COL2A1: variants seen among roughly 807,000 people sequenced by gnomAD.
COL2A1 encodes the protein collagen alpha-1(II) chain.
In COL2A1, 28 loss-of-function variants were observed where a neutral mutation model predicts 204.5. That is an observed-to-expected ratio of 0.14 (90% confidence interval 0.10 to 0.19). The LOEUF (loss-of-function observed/expected upper bound fraction) is 0.19, where lower values mean the gene tolerates loss of function less well. COL2A1 is among the 10% of genes least tolerant of loss of function. The probability of loss-of-function intolerance (pLI) is 1.00; values close to 1 mark genes in which losing one functional copy is unlikely to be tolerated. For missense variants in COL2A1, 1,388 were observed against 2,027.5 expected (o/e 0.68, Z 6.06); for synonymous variants, 708 against 718.7 (o/e 0.99, Z 0.24).
Position 47,976,088 on chromosome 12 carries a change from C to G in COL2A1, c.3490-18G>C, listed in dbSNP as rs778292426. ...GGAGGACCCTGCAAGAGAGAGAGGT[C>G]GTGAGGAAAGAGTGGTCACCACAGG... On this transcript the variant is annotated intron_variant, in intron 49 of 53. Transcript: ENST00000380518. The surrounding 1 kb of genome is among the most constrained non-coding windows in gnomAD (Gnocchi z 4.3). 1.5e-5 allele frequency: 23 copies of G among 1,584,396 alleles called. No homozygotes were observed. Among genetic ancestry groups the G allele is most frequent in the Non-Finnish European group, 2.0e-5 (23 of 1,152,994 alleles).
At chr12:47,982,742 C>T in intron 33 of COL2A1, 106 bp downstream of exon 33, 1 of 1,286,364 alleles carries the variant, frequency 7.8e-7, no homozygotes, top group South Asian at 1.2e-5. Flanking sequence ...CTTTCCAGCT[C>T]CCCCCACTTC....
Position 47,973,693 on chromosome 12 carries a change from CTCT to C in COL2A1, c.4318-143_4318-141del. 5 of 989,284 alleles carry C rather than the reference CTCT, an allele frequency of 5.1e-6. No homozygotes were observed. The South Asian group carries it at 5.4e-5, about 11-fold the overall frequency. The allele number at this position is 989,284 out of a possible 1,614,324, so 61.3% of individuals were successfully genotyped here. On this transcript the variant is annotated intron_variant, in intron 53 of 53. Coordinates refer to ENST00000380518, the MANE Select transcript of COL2A1 (RefSeq NM_001844.5). ...ACCACACTGAGGGGGCTCCTGAGAC[CTCT>C]TCTTGGCTTGCCAAAGGCCTCTCCA...
At chr12:48,002,295 C>A (rs949393721) in intron 1 of COL2A1, among the ~76,000 whole-genome samples, 9 of 152,180 alleles carry the variant, frequency 5.9e-5, no homozygotes, top group African/African-American at 2.2e-4. Context: ...GACGCCGCCG[C>A]CAGTAAGTTT....
intron 16 of COL2A1, 53 bp from the exon 17 acceptor site, chr12:47,989,858 C>T (rs1939622217): frequency 6.4e-7 from 1 of 1,553,290 alleles, no homozygotes; most frequent in South Asian, 1.1e-5. Flanking sequence ...CCTGTCCGTC[C>T]CTGCTCCCAG....
At chr12:47,982,353 G>A in intron 34 of COL2A1, 149 bp downstream of exon 34, 2 of 799,208 alleles carry the variant, frequency 2.5e-6, no homozygotes, top group Non-Finnish European at 4.3e-6. Flanking sequence ...TAAAAGGCAG[G>A]GAGCTTTGGA....
At position 47,980,502 on chromosome 12, in the gene COL2A1, C is replaced by T. The variant is rs1938994409; in HGVS notation, c.2625+52G>A. On this transcript the variant is annotated intron_variant, in intron 39 of 53. Coordinates refer to ENST00000380518, the MANE Select transcript of COL2A1 (RefSeq NM_001844.5). This position sits in a 1 kb window ranked among gnomAD's most constrained non-coding sequence, Gnocchi z 4.5. ...GCCTGCTGGGGCCTTCCCATCTGCACGCCAGGAGCCCTTCCTTGAGGGAAC... is the reference window on the plus strand; with the variant it reads ...GCCTGCTGGGGCCTTCCCATCTGCATGCCAGGAGCCCTTCCTTGAGGGAAC... 1.1e-5 allele frequency: 17 copies of T among 1,497,958 alleles called. No individual in the cohort carries two copies. The highest frequency in any genetic ancestry group is 8.4e-5 in the South Asian group (7 of 83,464). The allele number at this position is 1,497,958 out of a possible 1,614,324, so 92.8% of individuals were successfully genotyped here. A position where few individuals can be genotyped will look rare whatever the true frequency, so the allele number is the denominator to read the frequency against.
At chr12:47,984,890 A>G (rs1197575437) in intron 27 of COL2A1, 105 bp downstream of exon 27, 1 of 990,514 alleles carries the variant, frequency 1.0e-6, no homozygotes, top group African/African-American at 1.6e-5. Context: ...CCCACTCATC[A>G]CTGTCCCTGG....
At chr12:47,973,602 C>T in intron 53 of COL2A1, 49 bp from the exon 54 acceptor site, 1 of 1,610,144 alleles carries the variant, frequency 6.2e-7, no homozygotes, top group Non-Finnish European at 8.5e-7. Context: ...GCCTTGCTAC[C>T]CAGTTCCAGC....
chr12:47,974,888 T>G (rs758570305), intron 51 of COL2A1, 26 bp from the exon 52 acceptor site: 3 of 1,606,822 alleles, frequency 1.9e-6, no homozygotes, highest in Non-Finnish European at 2.6e-6. Flanking sequence ...GCAGCACCCA[T>G]GGGGGCTCAG....
At chr12:47,993,189 G>C (rs1349542770) in intron 15 of COL2A1, among the ~76,000 whole-genome samples, 1 of 152,210 alleles carries the variant, frequency 6.6e-6, no homozygotes, top group Non-Finnish European at 1.5e-5. Context: ...AGCACACCTT[G>C]CTCCTTGCAG....
Position 47,987,460 on chromosome 12 carries a change from G to T in COL2A1, c.1222-147C>A. The T allele has an allele frequency of 2.8e-6, 3 of 1,067,854 alleles. No homozygotes were observed. Among genetic ancestry groups the T allele is most frequent in the Middle Eastern group, 2.0e-4 (1 of 4,970 alleles). 66.1% of individuals were successfully genotyped at this position (1,067,854 alleles called of 1,614,324 possible). On this transcript the variant is annotated intron_variant, in intron 19 of 53. Transcript: ENST00000380518. This position sits in a 1 kb window ranked among gnomAD's most constrained non-coding sequence, Gnocchi z 4.1. ...TGTGTTTCAAGGGGAAGATGGGATA[G>T]AAGGGAATACATCTAGAGGTGGGGA...
intron 2 of COL2A1, 165 bp from the exon 3 acceptor site, chr12:47,998,596 G>T: frequency 1.4e-6 from 1 of 693,026 alleles, no homozygotes; most frequent in Non-Finnish European, 2.5e-6. Context: ...GGGGTGTTAG[G>T]GCCACTGTGG....
At chr12:47,977,885 G>T in intron 44 of COL2A1, 125 bp downstream of exon 44, 2 of 1,006,330 alleles carry the variant, frequency 2.0e-6, no homozygotes, top group Non-Finnish European at 3.0e-6. Context: ...TTTCAGGCCT[G>T]TCGGCCGACA....
chr12:48,002,163 C>T (rs754408095), intron 1 of COL2A1, among the ~76,000 whole-genome samples: 1 of 152,196 alleles, frequency 6.6e-6, no homozygotes, highest in Non-Finnish European at 1.5e-5. Flanking sequence ...TCAGCCCCAT[C>T]TGGAAGCCAT....
At chr12:47,997,502 C>T in intron 7 of COL2A1, 104 bp downstream of exon 7, 1 of 1,604,088 alleles carries the variant, frequency 6.2e-7, no homozygotes, top group Non-Finnish European at 8.5e-7. Flanking sequence ...GCTATGTACA[C>T]ACTGCTGGCA....
chr12:47,996,099 A>T (rs1939947882), intron 8 of COL2A1, among the ~76,000 whole-genome samples, 180 bp from the exon 9 acceptor site: 1 of 152,140 alleles, frequency 6.6e-6, no homozygotes, highest in Non-Finnish European at 1.5e-5. Flanking sequence ...ATTTTTATTT[A>T]TAGGCACCAT....
In COL2A1 at chr12:47,980,129, C is replaced by T. The variant is rs908004918; in HGVS notation, c.2626-67G>A. ...GGAAGACGGTGGGCTTCTGTCTGAGCCCCAACAATGGACCCCTGAGGTTTT... is the reference window on the plus strand; with the variant it reads ...GGAAGACGGTGGGCTTCTGTCTGAGTCCCAACAATGGACCCCTGAGGTTTT... On this transcript the variant is annotated intron_variant, in intron 39 of 53. Transcript: ENST00000380518. The surrounding 1 kb of genome is among the most constrained non-coding windows in gnomAD (Gnocchi z 4.5). The T allele has an allele frequency of 1.4e-6, 2 of 1,387,188 alleles. No homozygotes were observed. Among genetic ancestry groups the T allele is most frequent in the African/African-American group, 1.4e-5 (1 of 69,662 alleles). The allele number at this position is 1,387,188 out of a possible 1,614,324, so 85.9% of individuals were successfully genotyped here.
intron 26 of COL2A1, 34 bp downstream of exon 26, chr12:47,985,500 C>G (rs943278904): frequency 1.9e-6 from 3 of 1,606,092 alleles, no homozygotes; most frequent in Admixed American, 1.7e-5. Context: ...GAGATCCCCC[C>G]ACCCTCCTAG....
At chr12:47,985,128 A>C (rs776880822) in intron 26 of COL2A1, 35 bp from the exon 27 acceptor site, 1 of 1,542,738 alleles carries the variant, frequency 6.5e-7, no homozygotes, top group Non-Finnish European at 8.9e-7. Context: ...GAACATAGAC[A>C]CTCTGACCAC....
Sources: allele counts gnomAD v4.1 joint callset (sites outside exome capture counted in the v4.1 genomes callset), GRCh38; gene constraint gnomAD v4.1.1; non-coding constraint Gnocchi (gnomAD v3.1); transcripts MANE v1.5; gene names NCBI Gene and HGNC (gene_info 2026-07-23, HGNC 2026-07-21).